Variants in CSMD1 observed in about 807,000 individuals in gnomAD.
The protein encoded by CSMD1 is CUB and Sushi multiple domains 1.
In CSMD1, 213 loss-of-function variants were observed where a neutral mutation model predicts 417.5. That is an observed-to-expected ratio of 0.51 (90% CI 0.46 to 0.57). The LOEUF is 0.57. Ranked by LOEUF, CSMD1 falls within the 20% of genes least tolerant of loss-of-function variation. The pLI is 0.00. For synonymous variants in CSMD1, 2,862 were observed against 1,736.8 expected, an observed-to-expected ratio of 1.65 and a Z score of -16.11; for missense variants, 6,923 against 4,529.7, an observed-to-expected ratio of 1.53 and a Z score of -15.17.
intron 5 of CSMD1, among the ~76,000 whole-genome samples, chr8:3,811,462 T>C (rs35605165): frequency 0.012 from 1,834 of 152,296 alleles, 14 homozygotes; most frequent in Non-Finnish European, 0.018. Context: ...TTATCTAGAA[T>C]AGACATTTGG....
At chr8:4,631,918 T>C (rs1032567126) in intron 2 of CSMD1, among the ~76,000 whole-genome samples, 2 of 152,184 alleles carry the variant, frequency 1.3e-5, no homozygotes, top group African/African-American at 4.8e-5. Flanking sequence ...CTATATTGAG[T>C]GGTAAAATCT....
intron 23 of CSMD1, among the ~76,000 whole-genome samples, chr8:3,323,965 C>T (rs952229178): frequency 7.7e-6 from 1 of 130,034 alleles, no homozygotes; most frequent in Admixed American, 8.7e-5. Flanking sequence ...GTTTCCTTCA[C>T]CCCACCTTTC....
chr8:4,644,015 C>G (rs765402048), intron 1 of CSMD1, among the ~76,000 whole-genome samples: 1 of 152,194 alleles, frequency 6.6e-6, no homozygotes, highest in Non-Finnish European at 1.5e-5. Context: ...TGGGAGATTA[C>G]TCACTACATG....
At chr8:3,761,344 C>G (rs968726972) in intron 5 of CSMD1, among the ~76,000 whole-genome samples, 39 of 152,054 alleles carry the variant, frequency 2.6e-4, no homozygotes, top group African/African-American at 8.4e-4. Context: ...ACCAATATTT[C>G]TAGAAATTTA....
At chr8:4,631,761 C>T (rs1003850488) in intron 2 of CSMD1, among the ~76,000 whole-genome samples, 14 of 152,196 alleles carry the variant, frequency 9.2e-5, no homozygotes, top group African/African-American at 3.4e-4. Context: ...ATCACATTCA[C>T]CTCTAACCTC....
At chr8:4,637,584 A>G (rs1219295032) in intron 1 of CSMD1, 26 bp from the exon 2 acceptor site, 2 of 1,540,050 alleles carry the variant, frequency 1.3e-6, no homozygotes, top group East Asian at 2.3e-5. Flanking sequence ...CACACAAAAA[A>G]GCATATTATT....
At chr8:3,530,281 G>C (rs1563126323) in intron 10 of CSMD1, among the ~76,000 whole-genome samples, 1 of 152,024 alleles carries the variant, frequency 6.6e-6, no homozygotes, top group Admixed American at 6.6e-5. Context: ...ATATTTTAAT[G>C]TGATGGTTTA....
intron 23 of CSMD1, among the ~76,000 whole-genome samples, chr8:3,315,961 T>C (rs1224979737): frequency 1.3e-5 from 2 of 152,190 alleles, no homozygotes; most frequent in African/African-American, 2.4e-5. Context: ...GCAGGTCAAA[T>C]AGTTAATATC....
chr8:4,849,916 A>T (rs1317760058), intron 1 of CSMD1, among the ~76,000 whole-genome samples: 1 of 152,174 alleles, frequency 6.6e-6, no homozygotes, highest in Admixed American at 6.5e-5. Context: ...CGATTATATT[A>T]TGATGCTATG....
At chr8:3,931,834 G>C (rs924616094) in intron 5 of CSMD1, among the ~76,000 whole-genome samples, 1 of 148,028 alleles carries the variant, frequency 6.8e-6, no homozygotes, top group African/African-American at 2.5e-5. Context: ...CAGAGGACTG[G>C]GCTATCTTTA....
chr8:3,344,217 G>A (rs1172659500), intron 22 of CSMD1, among the ~76,000 whole-genome samples: 1 of 152,186 alleles, frequency 6.6e-6, no homozygotes, highest in Non-Finnish European at 1.5e-5. Flanking sequence ...GTGGGTCTGT[G>A]TCACCATCAT....
intron 7 of CSMD1, among the ~76,000 whole-genome samples, chr8:3,680,773 G>A (rs1219300777): frequency 1.3e-5 from 2 of 152,124 alleles, no homozygotes; most frequent in African/African-American, 4.8e-5. Flanking sequence ...GATGAACATT[G>A]ATGCAAAAAT....
At chr8:3,324,408 CTG>C (rs1806376939) in intron 23 of CSMD1, among the ~76,000 whole-genome samples, 1 of 133,506 alleles carries the variant, frequency 7.5e-6, no homozygotes, top group Admixed American at 7.7e-5. Context: ...CCTTTGGTCA[CTG>C]TTAAAATAGG....
chr8:4,837,798 G>A (rs765986550), intron 1 of CSMD1, among the ~76,000 whole-genome samples: 6 of 152,028 alleles, frequency 3.9e-5, no homozygotes, highest in Admixed American at 1.3e-4. Context: ...CGGCTGGGAT[G>A]GATATATCGT....
intron 3 of CSMD1, among the ~76,000 whole-genome samples, chr8:4,410,613 T>C (rs1250711451): frequency 3.9e-5 from 6 of 152,218 alleles, no homozygotes; most frequent in African/African-American, 9.6e-5. Context: ...TCTGAAATTA[T>C]GTATTACCAA....
At position 3,725,137 on chromosome 8, in the gene CSMD1, T is replaced by C. The variant is rs568130446; in HGVS notation, c.932-16646A>G. 5.3e-5 allele frequency among the ~76,000 whole-genome samples: 8 copies of C among 152,082 alleles called. No individual in the cohort carries two copies. In the South Asian group the frequency reaches 6.2e-4, roughly 12 times the overall value. ...CAGCAAAGGAGGTAGACACAGCAGA[T>C]AGATAGGAAAGGGACTAAAGGAGGG... On this transcript the variant is annotated intron_variant, in intron 6 of 69. Transcript: ENST00000635120.
At chr8:3,943,034 A>C (rs1563236575) in intron 5 of CSMD1, among the ~76,000 whole-genome samples, 1 of 152,142 alleles carries the variant, frequency 6.6e-6, no homozygotes, top group Non-Finnish European at 1.5e-5. Flanking sequence ...TACTCAGGAA[A>C]ATCCTGCTTT....
intron 5 of CSMD1, among the ~76,000 whole-genome samples, chr8:3,918,351 C>T (rs575869337): frequency 6.5e-4 from 99 of 152,046 alleles, no homozygotes; most frequent in African/African-American, 2.3e-3. Flanking sequence ...TCCCCACGTC[C>T]GCATCAACAC....
At chr8:3,487,264 C>T (rs1054322516) in intron 11 of CSMD1, among the ~76,000 whole-genome samples, 5 of 152,000 alleles carry the variant, frequency 3.3e-5, no homozygotes, top group South Asian at 2.1e-4. Context: ...TGCAGTGGCG[C>T]GATCTTGGCT....
Sources: allele counts gnomAD v4.1 joint callset (sites outside exome capture counted in the v4.1 genomes callset), GRCh38; gene constraint gnomAD v4.1.1; transcripts MANE v1.5; gene names NCBI Gene and HGNC (gene_info 2026-07-23, HGNC 2026-07-21).